The following FAM163A variants were observed in gnomAD, a reference collection of about 807,000 sequenced individuals.
FAM163A encodes family with sequence similarity 163 member A.
Under a neutral mutation model 12.0 loss-of-function variants are expected in FAM163A, and 7 were observed. That is an observed-to-expected ratio of 0.58 (90% CI 0.33 to 1.10). The LOEUF is 1.10. FAM163A is among the 50% of genes least tolerant of loss of function. FAM163A has a pLI of 0.03. For synonymous variants in FAM163A, 101 were observed against 91.0 expected (o/e 1.11, Z -0.62); for missense variants, 202 against 218.6 (o/e 0.92, Z 0.48).
At chr1:179,799,568 A>G (rs1317764149) in intron 1 of FAM163A, among the ~76,000 whole-genome samples, 3 of 152,256 alleles carry the variant, frequency 2.0e-5, no homozygotes, top group Non-Finnish European at 4.4e-5. Context: ...GGCCTTCCTA[A>G]ACTTAATATT....
intron 4 of FAM163A, among the ~76,000 whole-genome samples, 189 bp from the exon 5 acceptor site, chr1:179,813,590 G>A (rs781598381): frequency 2.0e-5 from 3 of 152,190 alleles, no homozygotes; most frequent in Non-Finnish European, 4.4e-5. Flanking sequence ...AGTGGTGGGA[G>A]GGGAAAAGGA....
intron 2 of FAM163A, among the ~76,000 whole-genome samples, chr1:179,810,491 C>T (rs930728959): frequency 6.6e-6 from 1 of 152,196 alleles, no homozygotes; most frequent in Admixed American, 6.5e-5. Context: ...CGCCAGATCC[C>T]TCGCAGTTCC....
At chr1:179,811,034 C>T (rs1370804511) in intron 2 of FAM163A, among the ~76,000 whole-genome samples, 3 of 152,042 alleles carry the variant, frequency 2.0e-5, no homozygotes, top group Non-Finnish European at 4.4e-5. Context: ...CAGAGTGAGA[C>T]TCTGTCTCCA....
chr1:179,784,885 T>C (rs1690381345), intron 1 of FAM163A, among the ~76,000 whole-genome samples: 1 of 152,220 alleles, frequency 6.6e-6, no homozygotes, highest in African/African-American at 2.4e-5. Context: ...TCCTCATCTC[T>C]GTCCCTTCAA....
chr1:179,796,377 G>A (rs937569682), intron 1 of FAM163A, among the ~76,000 whole-genome samples: 2 of 152,146 alleles, frequency 1.3e-5, no homozygotes, highest in African/African-American at 4.8e-5. Context: ...CATTTAAAGA[G>A]ACTCAAATCT....
intron 1 of FAM163A, among the ~76,000 whole-genome samples, chr1:179,751,501 C>T (rs1212225707): frequency 6.6e-6 from 1 of 152,044 alleles, no homozygotes; most frequent in Non-Finnish European, 1.5e-5. Flanking sequence ...AGGTCAGTGA[C>T]GTGGAGGGCA....
At chr1:179,758,274 A>T (rs1686309974) in intron 1 of FAM163A, among the ~76,000 whole-genome samples, 1 of 152,168 alleles carries the variant, frequency 6.6e-6, no homozygotes, top group Admixed American at 6.5e-5. Context: ...ATCAATGTTG[A>T]TATTATTATT....
the FAM163A span, among the ~76,000 whole-genome samples, chr1:179,731,634 G>A: frequency 3.6e-3 from 549 of 152,216 alleles, 4 homozygotes; most frequent in African/African-American, 0.012. Context: ...AATAATGCTC[G>A]GGACTGAGGC....
At chr1:179,781,119 G>C (rs1248808933) in intron 1 of FAM163A, among the ~76,000 whole-genome samples, 1 of 152,174 alleles carries the variant, frequency 6.6e-6, no homozygotes, top group African/African-American at 2.4e-5. Context: ...AGTGAAAGTA[G>C]ATTCGTGGTT....
rs1470178443 is a variant in FAM163A, at chr1:179,815,394, G to C, written c.*1205G>C. The C allele has an allele frequency of 6.6e-6, 1 of 152,312 alleles. No homozygotes were observed. The highest frequency in any genetic ancestry group is 2.4e-5 in the African/African-American group (1 of 41,416). The allele number at this position is 152,312 out of a possible 1,614,324, so 9.4% of individuals were successfully genotyped here. A position where few individuals can be genotyped will look rare whatever the true frequency, so the allele number is the denominator to read the frequency against. ...CCCCAGAGCCCGGCATTCTATGTAA[G>C]CATCCACCTGTGACGCCGTGGAGCA... On this transcript the variant is annotated 3_prime_UTR_variant, in exon 5 of 5. Transcript: ENST00000341785.
intron 1 of FAM163A, among the ~76,000 whole-genome samples, chr1:179,754,748 C>T (rs1014541552): frequency 1.3e-5 from 2 of 152,148 alleles, no homozygotes; most frequent in African/African-American, 2.4e-5. Context: ...TGGTGTACTG[C>T]CTGCTGGGCT....
chr1:179,796,492 C>A (rs1394009828), intron 1 of FAM163A, among the ~76,000 whole-genome samples: 2 of 152,088 alleles, frequency 1.3e-5, no homozygotes, highest in Admixed American at 6.5e-5. Flanking sequence ...TTTAAAAAAT[C>A]TTTTTCCCCA....
At chr1:179,783,732 A>ATATAT (rs1557940057) in intron 1 of FAM163A, among the ~76,000 whole-genome samples, 2 of 75,996 alleles carry the variant, frequency 2.6e-5, no homozygotes, top group South Asian at 7.1e-4. Context: ...AATTTTATAT[A>ATATAT]ATTGAGCCCA....
At position 179,814,867 on chromosome 1, in the gene FAM163A, G is replaced by T. The variant is rs1307725216; in HGVS notation, c.*678G>T. The T allele has an allele frequency of 6.6e-6, 1 of 152,248 alleles. No individual in the cohort carries two copies. Among genetic ancestry groups the T allele is most frequent in the Non-Finnish European group, 1.5e-5 (1 of 68,088 alleles). The allele number at this position is 152,248 out of a possible 1,614,324, so 9.4% of individuals were successfully genotyped here. A position where few individuals can be genotyped will look rare whatever the true frequency, so the allele number is the denominator to read the frequency against. On this transcript the variant is annotated 3_prime_UTR_variant, in exon 5 of 5. Transcript: ENST00000341785. Reference sequence around the variant, plus strand: ...CAAGTTGACTTTAAAGCCTAAGGTGGCTTGTGGGGACTGCACCAGAAAGTG... The same window carrying T: ...CAAGTTGACTTTAAAGCCTAAGGTGTCTTGTGGGGACTGCACCAGAAAGTG...
rs76164344 is a variant in FAM163A, at chr1:179,776,955, G to A, written c.-135-30843G>A. On this transcript the variant is annotated intron_variant, in intron 1 of 4. Transcript: ENST00000341785. ...CATTGGACTATTCTGGAAATTTTACGCCAATGGAATTATGCAATATGTGAA... is the reference window on the plus strand; with the variant it reads ...CATTGGACTATTCTGGAAATTTTACACCAATGGAATTATGCAATATGTGAA... Among the ~76,000 whole-genome samples the A allele has an allele frequency of 5.6e-3, 851 of 152,210 alleles. 4 individuals are homozygous for A. The highest frequency in any genetic ancestry group is 0.02 in the African/African-American group (815 of 41,522).
In FAM163A at chr1:179,812,987, A is replaced by C. The variant is rs550961209; in HGVS notation, c.-22-89A>C. ...CTGCTGCTCTCAGGCCCCCTGCCCC[A>C]GCCTCGGGGCAGTTCCAGGAAGACT... On this transcript the variant is annotated intron_variant, in intron 3 of 4. Transcript: ENST00000341785. 9.2e-5 allele frequency: 115 copies of C among 1,251,578 alleles called. No individual in the cohort carries two copies. The African/African-American group carries it at 1.6e-3, about 18-fold the overall frequency. 77.5% of individuals were successfully genotyped at this position (1,251,578 alleles called of 1,614,324 possible).
At chr1:179,733,884 G>A in the FAM163A span, among the ~76,000 whole-genome samples, 4 of 151,904 alleles carry the variant, frequency 2.6e-5, no homozygotes, top group South Asian at 2.1e-4. Context: ...ATCCACTGTC[G>A]TCTTATCTTC....
intron 1 of FAM163A, among the ~76,000 whole-genome samples, chr1:179,784,654 C>T (rs892242360): frequency 2.6e-5 from 4 of 152,142 alleles, no homozygotes; most frequent in Admixed American, 1.3e-4. Context: ...ACAAAACCTG[C>T]GCACATGAAG....
upstream of FAM163A, among the ~76,000 whole-genome samples, chr1:179,740,707 C>T (rs898904909): frequency 6.6e-6 from 1 of 152,046 alleles, no homozygotes. Context: ...AAATGGGAAA[C>T]AGGTAAGTGG....
Sources: allele counts gnomAD v4.1 joint callset (sites outside exome capture counted in the v4.1 genomes callset), GRCh38; gene constraint gnomAD v4.1.1; transcripts MANE v1.5; gene names NCBI Gene and HGNC (gene_info 2026-07-23, HGNC 2026-07-21).